PRKAG3: variants seen among roughly 807,000 people sequenced by gnomAD.
PRKAG3 encodes protein kinase AMP-activated non-catalytic subunit gamma 3, also known as 5'-AMP-activated protein kinase subunit gamma-3.
In PRKAG3, 39 loss-of-function variants were observed where a neutral mutation model predicts 56.5. The observed-to-expected ratio is 0.69, with a 90% CI of 0.53 to 0.90. PRKAG3 has a LOEUF of 0.90. PRKAG3 is among the 40% of genes least tolerant of loss of function. PRKAG3 has a pLI of 0.00. For missense variants in PRKAG3, 628 were observed against 627.5 expected (o/e 1.00, Z -0.01); for synonymous variants, 243 against 250.1 (o/e 0.97, Z 0.27).
Position 218,825,763 on chromosome 2 carries a change from C to CTT in PRKAG3, c.1168+1163_1168+1164dup, listed in dbSNP as rs575179216. ...GTTTTGTTTGGTGGTATAAAATGCA[C>CTT]TTTTTTTTTTTTTTTTTGGAGTCTC... is the stretch of plus-strand genomic sequence containing the variant. On this transcript the variant is annotated intron_variant, in intron 10 of 12. Coordinates refer to ENST00000529249, the Ensembl canonical transcript of PRKAG3. Among the ~76,000 whole-genome samples the CTT allele has an allele frequency of 9.6e-5, 13 of 134,944 alleles. 1 individual carries two copies. The highest frequency in any genetic ancestry group is 4.4e-4 in the East Asian group (2 of 4,580). 88.5% of individuals were successfully genotyped at this position (134,944 alleles called of 152,430 possible).
downstream of PRKAG3, chr2:218,822,987 T>C: frequency 1.0e-6 from 1 of 985,240 alleles, no homozygotes; most frequent in Non-Finnish European, 1.2e-6. Context: ...CTGTTCTCCT[T>C]AATTTCATCA....
chr2:218,830,813 C>T lies in PRKAG3; in HGVS notation c.162G>A (p.Arg54=), dbSNP rs1011631238. ...GCCTTGTCCATCTCAAGGCTTTGGC[C>T]CTCCGTTTCCCACGGATTCTTTCTG... The change falls in exon 3 of 13, where the codon AGG becomes AGA. Residue 54 remains arginine (R), a synonymous_variant. Coordinates refer to ENST00000529249, the Ensembl canonical transcript of PRKAG3. 4 of 1,613,566 alleles carry T rather than the reference C, an allele frequency of 2.5e-6. No homozygotes were observed. In the Admixed American group the frequency reaches 5.0e-5, roughly 20 times the overall value.
chr2:218,829,389 C>T (rs1472403011), intron 4 of PRKAG3, among the ~76,000 whole-genome samples: 1 of 151,372 alleles, frequency 6.6e-6, no homozygotes, highest in African/African-American at 2.4e-5. Context: ...GGCACGATCT[C>T]GGCTCACTGC....
At chr2:218,823,615 G>A (rs1943885084) in exon 13 of PRKAG3, 2 of 1,530,728 alleles carry the variant, frequency 1.3e-6, no homozygotes, top group South Asian at 2.3e-5. Flanking sequence ...AAGACTAAGA[G>A]GCTGGTGTCA....
chr2:218,825,555 C>T (rs1293429283), intron 10 of PRKAG3, among the ~76,000 whole-genome samples: 3 of 149,940 alleles, frequency 2.0e-5, no homozygotes, highest in Admixed American at 6.6e-5. Context: ...GGCTGAGGCA[C>T]AAGAATCACT....
At chr2:218,823,870 C>G in exon 13 of PRKAG3, 1 of 1,613,988 alleles carries the variant, frequency 6.2e-7, no homozygotes, top group Non-Finnish European at 8.5e-7. Flanking sequence ...CTAGCACCAG[C>G]CTGTGTACCT....
At chr2:218,830,142 G>A (rs758461896) in exon 4 of PRKAG3, 3 of 1,614,074 alleles carry the variant, frequency 1.9e-6, no homozygotes, top group South Asian at 1.1e-5. Context: ...CACAGGGCAG[G>A]CCTCTCTTCC....
intron 5 of PRKAG3, 42 bp from the exon 6 acceptor site, chr2:218,828,104 G>T (rs751167407): frequency 5.9e-6 from 9 of 1,523,048 alleles, no homozygotes; most frequent in Non-Finnish European, 7.1e-6. Context: ...GGGGCCTTTG[G>T]GTGGAAGGCA....
rs950043181 is a variant in PRKAG3, at chr2:218,824,361, G to A, written c.1214C>T (p.Ala405Val). The A allele has an allele frequency of 2.5e-6, 4 of 1,614,008 alleles. No homozygotes were observed. The highest frequency in any genetic ancestry group is 3.4e-6 in the Non-Finnish European group (4 of 1,180,020). Reference sequence around the variant, plus strand: ...CAGGTGGTTGTAGGTTTGCTGGGCAGCCAGGTGCTGGGGCAGAGAGAGAAG... The same window carrying A: ...CAGGTGGTTGTAGGTTTGCTGGGCAACCAGGTGCTGGGGCAGAGAGAGAAG... The change falls in exon 12 of 13, where the codon GCT becomes GTT. Residue 405 changes from alanine (A) to valine (V), a missense_variant. Physicochemically the swap from Ala to Val is moderately conservative, Grantham distance 64. Transcript: ENST00000529249.
chr2:218,831,672 A>G, intron 1 of PRKAG3, 66 bp downstream of exon 1: 2 of 1,570,798 alleles, frequency 1.3e-6, no homozygotes, highest in Non-Finnish European at 1.7e-6. Context: ...ACACACATTC[A>G]CAGCCCGTGC....
intron 4 of PRKAG3, among the ~76,000 whole-genome samples, chr2:218,828,840 A>C (rs1943976115): frequency 6.6e-6 from 1 of 152,182 alleles, no homozygotes; most frequent in African/African-American, 2.4e-5. Flanking sequence ...GTGGCCTGAG[A>C]CCATGAGCCC....
chr2:218,824,333 G>A, exon 12 of PRKAG3: 1 of 1,614,114 alleles, frequency 6.2e-7, no homozygotes. Context: ...CCACACTCAT[G>A]TCCAGGTGGT....
At chr2:218,830,166 G>A in exon 4 of PRKAG3, 1 of 1,614,144 alleles carries the variant, frequency 6.2e-7, no homozygotes, top group Non-Finnish European at 8.5e-7. Context: ...AGGCCTTCTA[G>A]CTCACACTCC....
chr2:218,830,495 A>C, intron 3 of PRKAG3, 114 bp from the exon 4 acceptor site: 1 of 1,380,578 alleles, frequency 7.2e-7, no homozygotes, highest in Non-Finnish European at 9.9e-7. Context: ...CTGTGGCCCT[A>C]TTTGCAGGTG....
At chr2:218,824,510 C>T (rs1381814600) in intron 11 of PRKAG3, 29 bp downstream of exon 11, 1 of 1,609,032 alleles carries the variant, frequency 6.2e-7, no homozygotes, top group Non-Finnish European at 8.5e-7. Context: ...AGCCTCCCTG[C>T]AGCATCCCAC....
chr2:218,828,472 C>T, intron 5 of PRKAG3, 47 bp downstream of exon 5: 2 of 1,532,218 alleles, frequency 1.3e-6, no homozygotes, highest in Non-Finnish European at 8.9e-7. Context: ...TACAAGATCT[C>T]CCCCTCACCT....
In PRKAG3 at chr2:218,831,710, G is replaced by A. The variant is rs201507285; in HGVS notation, c.33+28C>T. 179 of 1,605,918 alleles carry A rather than the reference G, an allele frequency of 1.1e-4. No individual in the cohort carries two copies. The East Asian group carries it at 2.9e-3, about 26-fold the overall frequency. On this transcript the variant is annotated intron_variant, in intron 1 of 12. Transcript: ENST00000529249. ...TCAATCTTCTGGCCTCAGCTGCCCC[G>A]GCTCCGGCTCCCCTGGGACCCCCAT...
chr2:218,827,944 A>C lies in PRKAG3; in HGVS notation c.774+60T>G, dbSNP rs1943960127. 2 of 1,608,462 alleles carry C rather than the reference A, an allele frequency of 1.2e-6. No homozygotes were observed. Among genetic ancestry groups the C allele is most frequent in the African/African-American group, 1.3e-5 (1 of 74,932 alleles). On this transcript the variant is annotated intron_variant, in intron 6 of 12. Coordinates refer to ENST00000529249, the Ensembl canonical transcript of PRKAG3. The surrounding 1 kb of genome is among the most constrained non-coding windows in gnomAD (Gnocchi z 5.3). ...GGCTTCTAGGGCACCAGGCTCCAGG[A>C]GGACTCCCCTCCGCCCCCGCCCCTC...
At chr2:218,831,127 C>G (rs774078356) in intron 2 of PRKAG3, among the ~76,000 whole-genome samples, 7 of 152,020 alleles carry the variant, frequency 4.6e-5, no homozygotes, top group Non-Finnish European at 1.0e-4. Context: ...CTGCAAATCA[C>G]ACAGCAAGTA....
Sources: gnomAD v4.1 joint callset for allele counts (sites outside exome capture counted in the v4.1 genomes callset) on GRCh38, gnomAD v4.1.1 for gene constraint, Gnocchi (gnomAD v3.1) non-coding constraint, MANE v1.5 for transcripts, NCBI Gene and HGNC (gene_info 2026-07-23, HGNC 2026-07-21) for gene names.